Variants in CMSS1 observed in about 807,000 individuals in gnomAD.
CMSS1 encodes cms1 ribosomal small subunit homolog, also known as protein CMSS1.
In CMSS1, 33 loss-of-function variants were observed where a neutral mutation model predicts 43.5. The observed-to-expected ratio is 0.76, with a 90% CI of 0.57 to 1.01. CMSS1 has a LOEUF of 1.01. CMSS1 is among the 50% of genes least tolerant of loss of function. The probability of loss-of-function intolerance (pLI) is 0.00; values close to 1 mark genes in which losing one functional copy is unlikely to be tolerated. For missense variants in CMSS1, 313 were observed against 326.4 expected (o/e 0.96, Z 0.32); for synonymous variants, 115 against 117.2 (o/e 0.98, Z 0.12).
intron 1 of CMSS1, among the ~76,000 whole-genome samples, chr3:99,834,115 T>A (rs1942798643): frequency 2.0e-5 from 3 of 152,238 alleles, no homozygotes; most frequent in Admixed American, 1.3e-4. Flanking sequence ...AGCCCAAAAT[T>A]TCATAATGAT....
At chr3:99,936,332 C>G (rs920344107) in intron 1 of CMSS1, among the ~76,000 whole-genome samples, 2 of 140,574 alleles carry the variant, frequency 1.4e-5, no homozygotes, top group African/African-American at 5.3e-5. Context: ...TTGATTAACT[C>G]ATTTATTTTG....
chr3:100,148,935 C>T (rs1420510980), intron 2 of CMSS1, among the ~76,000 whole-genome samples: 2 of 152,072 alleles, frequency 1.3e-5, no homozygotes, highest in African/African-American at 4.8e-5. Flanking sequence ...CAGGGTAACA[C>T]ATCCGTAGCT....
chr3:100,026,841 A>G (rs886190551), intron 1 of CMSS1, among the ~76,000 whole-genome samples: 1 of 152,146 alleles, frequency 6.6e-6, no homozygotes, highest in Non-Finnish European at 1.5e-5. Context: ...ACTGTAAGTC[A>G]GATCACATCG....
chr3:100,107,421 C>T (rs1451249907), intron 1 of CMSS1, among the ~76,000 whole-genome samples: 1 of 152,076 alleles, frequency 6.6e-6, no homozygotes, highest in Non-Finnish European at 1.5e-5. Context: ...AATTTCTGAA[C>T]ACTTTGTTTA....
At chr3:100,082,286 T>G (rs1175817546) in intron 1 of CMSS1, among the ~76,000 whole-genome samples, 1 of 152,178 alleles carries the variant, frequency 6.6e-6, no homozygotes, top group Non-Finnish European at 1.5e-5. Flanking sequence ...ATGTAAAAAG[T>G]AAATACTACT....
intron 1 of CMSS1, among the ~76,000 whole-genome samples, chr3:99,975,382 A>G (rs541784898): frequency 1.9e-3 from 291 of 152,296 alleles, no homozygotes; most frequent in African/African-American, 5.0e-3. Flanking sequence ...AGTGAATTCA[A>G]GGAGTTCAAG....
intron 1 of CMSS1, among the ~76,000 whole-genome samples, chr3:99,921,056 T>G (rs1439312313): frequency 1.3e-5 from 2 of 152,186 alleles, no homozygotes; most frequent in Non-Finnish European, 1.5e-5. Context: ...GTTGCTAGTT[T>G]GGGAGTGGTT....
chr3:99,947,642 A>G (rs1420703737), intron 1 of CMSS1, among the ~76,000 whole-genome samples: 1 of 152,218 alleles, frequency 6.6e-6, no homozygotes, highest in East Asian at 1.9e-4. Context: ...GCAGGATTTA[A>G]TCGCAACTCA....
intron 1 of CMSS1, among the ~76,000 whole-genome samples, chr3:99,963,511 T>C (rs925068313): frequency 6.6e-6 from 1 of 152,120 alleles, no homozygotes; most frequent in Non-Finnish European, 1.5e-5. Context: ...ATTAGAAGGA[T>C]AAGAAAGAAT....
At chr3:99,849,169 T>G in intron 1 of CMSS1, 1 of 1,614,206 alleles carries the variant, frequency 6.2e-7, no homozygotes, top group Non-Finnish European at 8.5e-7. Flanking sequence ...ATTAGGGTCC[T>G]CGTCTTGATT....
At chr3:99,852,759 A>G (rs984873901) in intron 1 of CMSS1, among the ~76,000 whole-genome samples, 1 of 152,170 alleles carries the variant, frequency 6.6e-6, no homozygotes, top group Non-Finnish European at 1.5e-5. Context: ...ACATTTTAAA[A>G]GGAAACTAAT....
At chr3:100,081,956 T>C (rs1315254438) in intron 1 of CMSS1, among the ~76,000 whole-genome samples, 1 of 152,118 alleles carries the variant, frequency 6.6e-6, no homozygotes, top group African/African-American at 2.4e-5. Flanking sequence ...TTGCCTTCAA[T>C]TGCTGTTTTA....
At chr3:99,886,984 A>AG (rs1705921636) in intron 1 of CMSS1, among the ~76,000 whole-genome samples, 1 of 134,310 alleles carries the variant, frequency 7.4e-6, no homozygotes. Context: ...AAAAAAAAAA[A>AG]GTACTGGCCG....
chr3:100,058,505 G>A (rs978840927), intron 1 of CMSS1, among the ~76,000 whole-genome samples: 7 of 152,116 alleles, frequency 4.6e-5, no homozygotes, highest in Non-Finnish European at 8.8e-5. Flanking sequence ...TCTCTGTCCC[G>A]GCAGCTTGAG....
At chr3:100,017,062 A>G (rs1270591032) in intron 1 of CMSS1, among the ~76,000 whole-genome samples, 1 of 152,218 alleles carries the variant, frequency 6.6e-6, no homozygotes, top group Non-Finnish European at 1.5e-5. Context: ...ATGTGTGTAT[A>G]ATTCTTCATA....
At chr3:100,154,248 A>G (rs777319354) in intron 2 of CMSS1, among the ~76,000 whole-genome samples, 1 of 151,882 alleles carries the variant, frequency 6.6e-6, no homozygotes, top group South Asian at 2.1e-4. Context: ...TTTTTTTTAC[A>G]TTTTTAATTG....
intron 1 of CMSS1, among the ~76,000 whole-genome samples, chr3:100,001,454 C>T (rs1476387453): frequency 2.0e-5 from 3 of 152,106 alleles, no homozygotes; most frequent in African/African-American, 7.2e-5. Flanking sequence ...AAGATTATAC[C>T]ATCAGTAATC....
At chr3:99,938,050 A>AGTGTGTGTGTGTGTGTGTGTGT in intron 1 of CMSS1, among the ~76,000 whole-genome samples, 1 of 149,002 alleles carries the variant, frequency 6.7e-6, no homozygotes, top group African/African-American at 2.5e-5. Flanking sequence ...AGGCTCAGGA[A>AGTGTGTGTGTGTGTGTGTGTGT]GTGTGTGTGT....
At chr3:99,980,190 G>A (rs895357969) in intron 1 of CMSS1, among the ~76,000 whole-genome samples, 3 of 152,100 alleles carry the variant, frequency 2.0e-5, no homozygotes. Context: ...GACACTCGGA[G>A]CAAGTTTAGC....
Sources: allele counts gnomAD v4.1 joint callset (sites outside exome capture counted in the v4.1 genomes callset), GRCh38; gene constraint gnomAD v4.1.1; transcripts MANE v1.5; gene names NCBI Gene and HGNC (gene_info 2026-07-23, HGNC 2026-07-21).